The following TTLL5 variants were observed in gnomAD, a reference collection of about 807,000 sequenced individuals.
TTLL5 encodes tubulin polyglutamylase TTLL5.
TTLL5 carries 132 observed loss-of-function variants against 168.4 expected under a neutral mutation model. The observed-to-expected ratio is 0.78, with a 90% CI of 0.68 to 0.91. The LOEUF is 0.91. Ranked by LOEUF, TTLL5 falls within the 40% of genes least tolerant of loss-of-function variation. TTLL5 has a pLI of 0.00. For synonymous variants in TTLL5, 546 were observed against 558.6 expected, an observed-to-expected ratio of 0.98 and a Z score of 0.32; for missense variants, 1,545 against 1,581.5, an observed-to-expected ratio of 0.98 and a Z score of 0.39.
At chr14:75,868,523 T>C (rs945534571) in intron 29 of TTLL5, among the ~76,000 whole-genome samples, 2 of 152,196 alleles carry the variant, frequency 1.3e-5, no homozygotes, top group Non-Finnish European at 2.9e-5. Context: ...TCAATAATCC[T>C]AGCAGAAACT....
At chr14:75,906,495 T>G (rs181581117) in intron 31 of TTLL5, 3 of 984,534 alleles carry the variant, frequency 3.0e-6, no homozygotes, top group Non-Finnish European at 1.2e-6. Flanking sequence ...TTTTACCTTG[T>G]GTCCTTTGGG....
chr14:75,767,396 A>G (rs942608785), intron 20 of TTLL5, among the ~76,000 whole-genome samples: 1 of 152,306 alleles, frequency 6.6e-6, no homozygotes, highest in Non-Finnish European at 1.5e-5. Context: ...AGATGGTGTA[A>G]TGTTAGAATG....
chr14:75,830,211 A>G (rs557488298), intron 28 of TTLL5, among the ~76,000 whole-genome samples: 1 of 152,352 alleles, frequency 6.6e-6, no homozygotes, highest in Admixed American at 6.5e-5. Context: ...AAAGGATCCA[A>G]CACACCACAA....
chr14:75,890,081 G>A (rs2032325756), intron 30 of TTLL5, among the ~76,000 whole-genome samples: 2 of 152,166 alleles, frequency 1.3e-5, no homozygotes, highest in South Asian at 2.1e-4. Context: ...CTGGCTTCAG[G>A]TGATTGCCCA....
chr14:75,829,904 A>T (rs1290283016), intron 28 of TTLL5, among the ~76,000 whole-genome samples: 1 of 152,190 alleles, frequency 6.6e-6, no homozygotes, highest in African/African-American at 2.4e-5. Flanking sequence ...GCATATCCGT[A>T]AAGGAGATTT....
chr14:75,688,556 A>G (rs28689122), intron 5 of TTLL5, among the ~76,000 whole-genome samples: 406 of 152,314 alleles, frequency 2.7e-3, no homozygotes, highest in African/African-American at 9.2e-3. Context: ...AGGGATGCCT[A>G]TTTATAGCCA....
intron 31 of TTLL5, among the ~76,000 whole-genome samples, chr14:75,943,807 TAAAAG>T (rs1356179044): frequency 6.6e-6 from 1 of 152,202 alleles, no homozygotes; most frequent in African/African-American, 2.4e-5. Flanking sequence ...TTAGAGAAAT[TAAAAG>T]AGAGAGTAAA....
chr14:75,771,688 T>A (rs1262488696), intron 20 of TTLL5, 46 bp from the exon 21 acceptor site: 13 of 1,610,106 alleles, frequency 8.1e-6, no homozygotes, highest in Non-Finnish European at 1.0e-5. Context: ...ATTTTGTAGT[T>A]TTACACTTCT....
At chr14:75,794,499 T>C (rs1892894182) in intron 27 of TTLL5, among the ~76,000 whole-genome samples, 1 of 151,786 alleles carries the variant, frequency 6.6e-6, no homozygotes, top group Non-Finnish European at 1.5e-5. Context: ...CTTACCTATC[T>C]AGCTCCTATC....
chr14:75,691,830 T>TGTTA (rs1469882145), intron 6 of TTLL5, among the ~76,000 whole-genome samples: 1 of 152,252 alleles, frequency 6.6e-6, no homozygotes, highest in Non-Finnish European at 1.5e-5. Flanking sequence ...TCTTTTAACA[T>TGTTA]GTTAGGCTTG....
intron 28 of TTLL5, among the ~76,000 whole-genome samples, chr14:75,824,636 C>G (rs1895016482): frequency 1.3e-5 from 2 of 151,682 alleles, no homozygotes; most frequent in Admixed American, 6.6e-5. Flanking sequence ...TGAAAATGTT[C>G]TAGAAATCTG....
At chr14:75,688,474 A>G (rs1885223979) in intron 5 of TTLL5, among the ~76,000 whole-genome samples, 1 of 152,202 alleles carries the variant, frequency 6.6e-6, no homozygotes, top group African/African-American at 2.4e-5. Context: ...TTAATAAACC[A>G]GTAAACATAA....
At chr14:75,894,011 A>G (rs923240708) in intron 30 of TTLL5, among the ~76,000 whole-genome samples, 15 of 152,180 alleles carry the variant, frequency 9.9e-5, no homozygotes, top group Non-Finnish European at 1.5e-4. Context: ...TAATGACTAT[A>G]AAATAATTAT....
At chr14:75,863,167 C>G (rs2030174271) in intron 28 of TTLL5, among the ~76,000 whole-genome samples, 1 of 152,114 alleles carries the variant, frequency 6.6e-6, no homozygotes, top group African/African-American at 2.4e-5. Flanking sequence ...GACATAAGCT[C>G]AAATATAAAC....
chr14:75,753,066 GAA>G, intron 18 of TTLL5, 111 bp downstream of exon 18: 1 of 1,025,838 alleles, frequency 9.7e-7, no homozygotes, highest in Admixed American at 2.3e-5. Flanking sequence ...ATCTCTGCTA[GAA>G]AAAAAAGTCC....
Position 75,866,928 on chromosome 14 carries a change from G to A in TTLL5, c.3522+3066G>A, listed in dbSNP as rs150798176. Among the ~76,000 whole-genome samples, 439 of 152,310 alleles carry A rather than the reference G, an allele frequency of 2.9e-3. 2 individuals carry two copies. Among genetic ancestry groups the A allele is most frequent in the African/African-American group, 0.01 (420 of 41,552 alleles). The stretch of plus-strand genomic sequence containing the variant: ...GGAACAGAGATACAAGAAACTTGGC[G>A]TGATCCAGTCCATATGATAGAGAGC... On this transcript the variant is annotated intron_variant, in intron 29 of 31. Transcript: ENST00000298832.
chr14:75,669,670 C>A, intron 3 of TTLL5, 148 bp downstream of exon 3: 2 of 496,436 alleles, frequency 4.0e-6, no homozygotes, highest in East Asian at 3.5e-5. Context: ...ATTATAATTT[C>A]TTAAATTGTT....
chr14:75,883,427 T>A (rs977391878), intron 30 of TTLL5, among the ~76,000 whole-genome samples: 1 of 152,228 alleles, frequency 6.6e-6, no homozygotes, highest in Non-Finnish European at 1.5e-5. Flanking sequence ...AGAAATAGAT[T>A]GGTGAAGAGC....
intron 29 of TTLL5, among the ~76,000 whole-genome samples, chr14:75,865,015 T>C (rs2030389659): frequency 6.6e-6 from 1 of 152,328 alleles, no homozygotes; most frequent in South Asian, 2.1e-4. Flanking sequence ...GTACATTATA[T>C]TAATTCATCA....
Sources: allele counts gnomAD v4.1 joint callset (sites outside exome capture counted in the v4.1 genomes callset), GRCh38; gene constraint gnomAD v4.1.1; transcripts MANE v1.5; gene names NCBI Gene and HGNC (gene_info 2026-07-23, HGNC 2026-07-21).